The following SLCO1A2 variants were observed in gnomAD, a reference collection of about 807,000 sequenced individuals.
SLCO1A2 encodes OATP-1.
A neutral mutation model predicts 69.0 loss-of-function variants in SLCO1A2; 67 were observed. That is an observed-to-expected ratio of 0.97 (90% CI 0.80 to 1.19). SLCO1A2 has a LOEUF of 1.19. Among genes scored for constraint, SLCO1A2 ranks in the 50% most tolerant of loss-of-function variants. The probability of loss-of-function intolerance (pLI) is 0.00; values close to 1 mark genes in which losing one functional copy is unlikely to be tolerated. For missense variants in SLCO1A2, 787 were observed against 793.7 expected, an observed-to-expected ratio of 0.99 and a Z score of 0.10; for synonymous variants, 260 against 265.9, an observed-to-expected ratio of 0.98 and a Z score of 0.22.
chr12:21,338,391 C>T (rs1952958837), upstream of SLCO1A2, among the ~76,000 whole-genome samples: 1 of 151,856 alleles, frequency 6.6e-6, no homozygotes, highest in Non-Finnish European at 1.5e-5. Context: ...CAGGCGATAT[C>T]TGATCATCCT....
At chr12:21,305,478 G>A (rs113810619) in intron 5 of SLCO1A2, among the ~76,000 whole-genome samples, 2,322 of 152,250 alleles carry the variant, frequency 0.015, 52 homozygotes, top group African/African-American at 0.053. Flanking sequence ...ATTTCCAGTC[G>A]GAAAATAATA....
At chr12:21,396,313 G>T (rs1161703203), upstream of SLCO1A2, among the ~76,000 whole-genome samples, 1 of 150,724 alleles carries the variant, frequency 6.6e-6, no homozygotes, top group African/African-American at 2.4e-5. Flanking sequence ...GAGAAGGGAA[G>T]TTTAGAGAAA....
intron 13 of SLCO1A2, chr12:21,274,936 T>C: frequency 3.8e-6 from 4 of 1,046,828 alleles, no homozygotes; most frequent in Non-Finnish European, 3.5e-6. Flanking sequence ...AAACAAAGAA[T>C]AGTGTAATTA....
At chr12:21,404,813 G>A (rs912357011) in intron 1 of SLCO1A2, among the ~76,000 whole-genome samples, 2 of 152,002 alleles carry the variant, frequency 1.3e-5, no homozygotes, top group African/African-American at 2.4e-5. Context: ...AATTATCACC[G>A]TGTCTTCTAC....
intron 2 of SLCO1A2, among the ~76,000 whole-genome samples, chr12:21,363,045 C>A (rs529796009): frequency 1.3e-5 from 2 of 152,318 alleles, no homozygotes; most frequent in Non-Finnish European, 2.9e-5. Flanking sequence ...CCAAGCGGAC[C>A]TAATAGACAT....
chr12:21,300,351 T>C lies in SLCO1A2; in HGVS notation c.907A>G (p.Lys303Glu). ...TATTTAGAATATGTATATTTGCCTTTAGTGATTCCATATTTTTCCTTCTTG... is the reference window on the plus strand; with the variant it reads ...TATTTAGAATATGTATATTTGCCTTCAGTGATTCCATATTTTTCCTTCTTG... ...EVKKEKYGITKDFLPFMKSLS... is the reference protein window; with the variant it reads ...EVKKEKYGITEDFLPFMKSLS... Residue 303 changes from lysine (K) to glutamate (E), a missense_variant, in exon 8 of 15, where the codon AAA (lysine) becomes GAA (glutamate). Lys to Glu is a moderately conservative substitution (Grantham distance 56). Coordinates refer to ENST00000683939, the MANE Select transcript of SLCO1A2 (RefSeq NM_001386879.1). 1 of 1,598,626 alleles carries C rather than the reference T, an allele frequency of 6.3e-7. No homozygotes were observed. The highest frequency in any genetic ancestry group is 8.6e-7 in the Non-Finnish European group (1 of 1,167,148).
At chr12:21,307,026 A>C in intron 4 of SLCO1A2, 38 bp from the exon 5 acceptor site, 1 of 1,405,228 alleles carries the variant, frequency 7.1e-7, no homozygotes, top group Non-Finnish European at 1.0e-6. Flanking sequence ...ATTTTAAGAA[A>C]GTAATGAGGA....
intron 1 of SLCO1A2, among the ~76,000 whole-genome samples, chr12:21,383,754 G>A (rs143324988): frequency 2.6e-5 from 4 of 151,984 alleles, no homozygotes; most frequent in African/African-American, 9.7e-5. Context: ...AAGTTCACGG[G>A]TTCTACCTTA....
At chr12:21,289,994 CGTTT>C (rs1044805891) in intron 12 of SLCO1A2, among the ~76,000 whole-genome samples, 1 of 148,812 alleles carries the variant, frequency 6.7e-6, no homozygotes, top group Non-Finnish European at 1.5e-5. Flanking sequence ...ATAGAGAAAC[CGTTT>C]GTTTTTCTCA....
intron 2 of SLCO1A2, among the ~76,000 whole-genome samples, chr12:21,345,066 T>C (rs1953207556): frequency 6.6e-6 from 1 of 152,130 alleles, no homozygotes; most frequent in Non-Finnish European, 1.5e-5. Context: ...AAAGCCATAA[T>C]AACACAATAA....
At chr12:21,403,857 G>A (rs1941779173) in intron 1 of SLCO1A2, among the ~76,000 whole-genome samples, 1 of 151,240 alleles carries the variant, frequency 6.6e-6, no homozygotes, top group Non-Finnish European at 1.5e-5. Flanking sequence ...TTTCTTTCGT[G>A]ATTAAGGCAC....
At chr12:21,373,242 A>C (rs1939929364) in intron 2 of SLCO1A2, 4 of 794,664 alleles carry the variant, frequency 5.0e-6, no homozygotes, top group Middle Eastern at 2.3e-4. Flanking sequence ...CGTTTTAAAA[A>C]GATGTTTCTT....
At chr12:21,369,269 C>G (rs575315159) in intron 2 of SLCO1A2, among the ~76,000 whole-genome samples, 2 of 152,116 alleles carry the variant, frequency 1.3e-5, no homozygotes, top group Non-Finnish European at 2.9e-5. Context: ...ATGTCATTGT[C>G]AAAGCATGTT....
intron 8 of SLCO1A2, among the ~76,000 whole-genome samples, chr12:21,299,799 CGT>C (rs1491408501): frequency 0.087 from 11,101 of 127,280 alleles, 1,054 homozygotes; most frequent in East Asian, 0.36. Context: ...TACACACACA[CGT>C]ATATATATAC....
At chr12:21,392,230 T>C (rs1190563098) in intron 1 of SLCO1A2, among the ~76,000 whole-genome samples, 1 of 152,186 alleles carries the variant, frequency 6.6e-6, no homozygotes, top group Non-Finnish European at 1.5e-5. Flanking sequence ...ACTTTTAGCC[T>C]CTTTCTACTA....
At chr12:21,398,592 A>T (rs1941565610), upstream of SLCO1A2, among the ~76,000 whole-genome samples, 1 of 152,104 alleles carries the variant, frequency 6.6e-6, no homozygotes, top group Non-Finnish European at 1.5e-5. Flanking sequence ...TCTTAGACCA[A>T]TATCCTTGAT....
chr12:21,269,831 G>T, intron 14 of SLCO1A2, 64 bp from the exon 15 acceptor site: 1 of 1,214,404 alleles, frequency 8.2e-7, no homozygotes, highest in Non-Finnish European at 1.1e-6. Context: ...AACTAAATTT[G>T]TATATCTTTG....
chr12:21,394,928 T>C (rs1477069750), exon 1 of SLCO1A2: 2 of 152,178 alleles, frequency 1.3e-5, no homozygotes, highest in African/African-American at 2.4e-5. Context: ...AAGATGATGA[T>C]AGTAACATAG....
At chr12:21,403,482 A>T (rs1010688876) in intron 1 of SLCO1A2, 20 of 152,254 alleles carry the variant, frequency 1.3e-4, no homozygotes, top group South Asian at 6.2e-4. Context: ...CAGATTTTTT[A>T]AAAAATTACA....
Sources: gnomAD v4.1 joint callset for allele counts (sites outside exome capture counted in the v4.1 genomes callset) on GRCh38, gnomAD v4.1.1 for gene constraint, MANE v1.5 for transcripts, NCBI Gene and HGNC (gene_info 2026-07-23, HGNC 2026-07-21) for gene names.